MMP17: variants seen among roughly 807,000 people sequenced by gnomAD.
MMP17 encodes matrix metallopeptidase 17.
MMP17 carries 54 observed loss-of-function variants against 49.1 expected under a neutral mutation model. That is an observed-to-expected ratio of 1.10 (90% CI 0.88 to 1.38). The LOEUF (loss-of-function observed/expected upper bound fraction) is 1.38. MMP17 is among the 40% of genes most tolerant of loss of function. The pLI, the probability that MMP17 is intolerant of heterozygous loss-of-function variation, is 0.00. For missense variants in MMP17, 837 were observed against 853.7 expected (o/e 0.98, Z 0.24); for synonymous variants, 397 against 383.1 (o/e 1.04, Z -0.42).
chr12:131,838,604 C>G lies in MMP17; in HGVS notation c.293-8C>G. ...GGCTAGGCTCTGAGCTCCATGCTTT[C>G]CCTGCAGACGAGGCCACCCTGGCCC... On this transcript the variant is annotated splice_region_variant and splice_polypyrimidine_tract_variant and intron_variant, in intron 2 of 9. Transcript: ENST00000360564. 10 of 1,607,632 alleles carry G rather than the reference C, an allele frequency of 6.2e-6. No homozygotes were observed. The highest frequency in any genetic ancestry group is 7.6e-6 in the Non-Finnish European group (9 of 1,177,406).
chr12:131,845,361 C>T lies in MMP17; in HGVS notation c.1116C>T (p.His372=), dbSNP rs1361675059. The T allele has an allele frequency of 1.2e-6, 2 of 1,600,244 alleles. No individual in the cohort carries two copies. The highest frequency in any genetic ancestry group is 8.5e-7 in the Non-Finnish European group (1 of 1,174,656). The change falls in exon 8 of 10, where the codon CAC becomes CAT. Residue 372 remains histidine, a synonymous_variant. Transcript: ENST00000360564. ...HLVSLQPAQM[H]RFWRGLPLHL... ...TGTCCCTGCAGCCGGCACAGATGCA[C>T]CGCTTCTGGCGGGGCCTGCCGCTGC...
rs1452258538 is a variant in MMP17, at chr12:131,840,815, C to A, written c.665C>A (p.Thr222Asn). ...FPGHHHTAGD[T>N]HFDDDEAWTF... ...GGCCACCACCACACCGCCGGGGACA[C>A]CCACTTTGACGATGACGAGGCCTGG... The change falls in exon 4 of 10, where the codon ACC (threonine) becomes AAC (asparagine). Residue 222 changes from threonine (T) to asparagine (N), a missense_variant. Physicochemically the swap from Thr to Asn is moderately conservative, Grantham distance 65. Coordinates refer to ENST00000360564, the MANE Select transcript of MMP17 (RefSeq NM_016155.7). 3 of 1,607,106 alleles carry A rather than the reference C, an allele frequency of 1.9e-6. No individual in the cohort carries two copies. Among genetic ancestry groups the A allele is most frequent in the South Asian group, 2.2e-5 (2 of 90,996 alleles).
At chr12:131,844,496 G>A (rs1191051337) in intron 6 of MMP17, 6 of 267,656 alleles carry the variant, frequency 2.2e-5, no homozygotes, top group African/African-American at 7.0e-5. Context: ...CAACTGGGAC[G>A]GCCACTGGGG....
chr12:131,838,022 T>G, intron 1 of MMP17, 173 bp from the exon 2 acceptor site: 1 of 774,252 alleles, frequency 1.3e-6, no homozygotes. Context: ...GGACATCAGG[T>G]TTATTAAGAC....
At chr12:131,844,413 G>C (rs138552387) in intron 6 of MMP17, 1 of 389,514 alleles carries the variant, frequency 2.6e-6, no homozygotes, top group Non-Finnish European at 4.6e-6. Flanking sequence ...CAGGGCCTGC[G>C]AGTGTCTGGC....
chr12:131,835,569 C>T (rs1887043763), intron 1 of MMP17, among the ~76,000 whole-genome samples: 1 of 152,214 alleles, frequency 6.6e-6, no homozygotes, highest in South Asian at 2.1e-4. Context: ...AGTGCAGCTA[C>T]CAGCCATGAC....
chr12:131,829,694 T>C (rs755525273), intron 1 of MMP17, among the ~76,000 whole-genome samples: 2 of 152,010 alleles, frequency 1.3e-5, no homozygotes, highest in Non-Finnish European at 2.9e-5. Flanking sequence ...AACCTTGGGG[T>C]CCAAGCAAGT....
At chr12:131,850,845 A>C in intron 9 of MMP17, 80 bp from the exon 10 acceptor site, 1 of 1,139,110 alleles carries the variant, frequency 8.8e-7, no homozygotes, top group Non-Finnish European at 1.2e-6. Context: ...CCCTGAGCCC[A>C]ACGCTCCCTC....
intron 3 of MMP17, among the ~76,000 whole-genome samples, chr12:131,839,346 T>C (rs547447195): frequency 6.6e-6 from 1 of 151,746 alleles, no homozygotes; most frequent in Non-Finnish European, 1.5e-5. Flanking sequence ...AGGGTCTCAC[T>C]TCGTCACCCA....
chr12:131,851,414 G>C lies in MMP17; in HGVS notation c.*140G>C. 1.4e-6 allele frequency: 1 copy of C among 724,566 alleles called. No individual in the cohort carries two copies. The highest frequency in any genetic ancestry group is 2.0e-6 in the Non-Finnish European group (1 of 509,592). 44.9% of individuals were successfully genotyped at this position (724,566 alleles called of 1,614,324 possible). ...CCTGGCACCGGAAGGCCAGCAGAGG[G>C]CACTGTCCGCCAGGGCTGGGCAGGC... On this transcript the variant is annotated 3_prime_UTR_variant, in exon 10 of 10. Transcript: ENST00000360564.
In MMP17 at chr12:131,846,838, C is replaced by T. The variant is rs1359256388; in HGVS notation, c.1204+1389C>T. Among the ~76,000 whole-genome samples, 5 of 152,302 alleles carry T rather than the reference C, an allele frequency of 3.3e-5. No individual in the cohort carries two copies. The Middle Eastern group carries it at 0.01, about 311-fold the overall frequency. The stretch of plus-strand genomic sequence containing the variant: ...TCACGGGCGGGACCCCGTTTCCTTG[C>T]CGAGGTAAAGGGTGTTCTGCGTGTC... On this transcript the variant is annotated intron_variant, in intron 8 of 9. Coordinates refer to ENST00000360564, the MANE Select transcript of MMP17 (RefSeq NM_016155.7). The surrounding 1 kb of genome is among the most constrained non-coding windows in gnomAD (Gnocchi z 4.6).
chr12:131,832,873 T>A (rs573489028), intron 1 of MMP17, among the ~76,000 whole-genome samples: 16 of 152,272 alleles, frequency 1.1e-4, no homozygotes, highest in African/African-American at 3.9e-4. Context: ...CCAAAGGGCC[T>A]TTGCACTTGC....
At chr12:131,828,990 G>T (rs1033555885) in intron 1 of MMP17, among the ~76,000 whole-genome samples, 4 of 152,164 alleles carry the variant, frequency 2.6e-5, no homozygotes, top group Non-Finnish European at 5.9e-5. Flanking sequence ...AGCCGGGCTG[G>T]GCGAGAGCAG....
Position 131,838,731 on chromosome 12 carries a change from C to G in MMP17, c.412C>G (p.Leu138Val), listed in dbSNP as rs551759890. The G allele has an allele frequency of 6.3e-7, 1 of 1,579,950 alleles. No homozygotes were observed. Among genetic ancestry groups the G allele is most frequent in the Non-Finnish European group, 8.6e-7 (1 of 1,163,852 alleles). Reference sequence around the variant, plus strand: ...CCCCACCAAGTGGAACAAGAGGAACCTGTCGTGGAGGTGGGTGTGTGGCCA... The same window carrying G: ...CCCCACCAAGTGGAACAAGAGGAACGTGTCGTGGAGGTGGGTGTGTGGCCA... ...PAPTKWNKRN[L>V]SWRVRTFPRD... The change falls in exon 3 of 10, where the codon CTG (leucine) becomes GTG (valine). Residue 138 changes from leucine (L) to valine (V), a missense_variant. By Grantham distance (32) the Leu-to-Val change is conservative. Coordinates refer to ENST00000360564, the MANE Select transcript of MMP17 (RefSeq NM_016155.7).
Position 131,843,542 on chromosome 12 carries a change from C to T in MMP17, c.884-455C>T, listed in dbSNP as rs532397866. 1.2e-4 allele frequency among the ~76,000 whole-genome samples: 18 copies of T among 152,310 alleles called. No individual in the cohort carries two copies. The South Asian group carries it at 1.7e-3, about 14-fold the overall frequency. On this transcript the variant is annotated intron_variant, in intron 5 of 9. Transcript: ENST00000360564. ...GAATACAGGCACGAACCACTGTGCCCGGCCCGGCTTCTTCCACTGAGCATA... is the reference window on the plus strand; with the variant it reads ...GAATACAGGCACGAACCACTGTGCCTGGCCCGGCTTCTTCCACTGAGCATA...
At chr12:131,845,980 G>A (rs998121746) in intron 8 of MMP17, among the ~76,000 whole-genome samples, 14 of 152,064 alleles carry the variant, frequency 9.2e-5, no homozygotes, top group Non-Finnish European at 1.9e-4. Context: ...CTCCCTGGTC[G>A]GCCCCGGTGC....
Position 131,840,769 on chromosome 12 carries a change from G to A in MMP17, c.619G>A (p.Val207Met), listed in dbSNP as rs368162179. The A allele has an allele frequency of 1.9e-5, 30 of 1,604,844 alleles. 1 individual carries two copies. The highest frequency in any genetic ancestry group is 1.4e-4 in the South Asian group (13 of 91,064). The stretch of plus-strand genomic sequence containing the variant: ...CCCCTTCGACGGCCCCGGCGGCACC[G>A]TGGCCCACGCCTTCTTCCCCGGCCA... ...GYPFDGPGGT[V>M]AHAFFPGHHH... Residue 207 changes from valine to methionine, a missense_variant, in exon 4 of 10, where the codon GTG becomes ATG. Val to Met is a conservative substitution (Grantham distance 21). Coordinates refer to ENST00000360564, the MANE Select transcript of MMP17 (RefSeq NM_016155.7).
At chr12:131,837,699 G>A (rs1438610282) in intron 1 of MMP17, among the ~76,000 whole-genome samples, 2 of 152,226 alleles carry the variant, frequency 1.3e-5, no homozygotes, top group Admixed American at 1.3e-4. Flanking sequence ...CCATCTAAGG[G>A]ACATCAGATT....
rs756587865 is a variant in MMP17 at position 131,846,859 on chromosome 12, G to C, written c.1204+1410G>C. On this transcript the variant is annotated intron_variant, in intron 8 of 9. Coordinates refer to ENST00000360564, the MANE Select transcript of MMP17 (RefSeq NM_016155.7). The surrounding 1 kb of genome is among the most constrained non-coding windows in gnomAD (Gnocchi z 4.6). ...CTTGCCGAGGTAAAGGGTGTTCTGC[G>C]TGTCTGTCAGGGGAACCACTTCCTG... Among the ~76,000 whole-genome samples the C allele has an allele frequency of 3.9e-5, 6 of 152,142 alleles. No individual in the cohort carries two copies. Among genetic ancestry groups the C allele is most frequent in the African/African-American group, 9.7e-5 (4 of 41,418 alleles).
Sources: gnomAD v4.1 joint callset for allele counts (sites outside exome capture counted in the v4.1 genomes callset) on GRCh38, gnomAD v4.1.1 for gene constraint, Gnocchi (gnomAD v3.1) non-coding constraint, MANE v1.5 for transcripts, NCBI Gene and HGNC (gene_info 2026-07-23, HGNC 2026-07-21) for gene names.